ZNF680: variants seen among roughly 807,000 people sequenced by gnomAD.
ZNF680 encodes hypothetical protein FLJ90430.
A neutral mutation model predicts 12.1 loss-of-function variants in ZNF680; 6 were observed. That is an observed-to-expected ratio of 0.49 (90% CI 0.27 to 0.98). The LOEUF is 0.98. Among genes scored for constraint, ZNF680 ranks in the 50% least tolerant of loss-of-function variants. The pLI is 0.12. For synonymous variants in ZNF680, 170 were observed against 199.3 expected (o/e 0.85, Z 1.24); for missense variants, 561 against 616.3 (o/e 0.91, Z 0.95).
In ZNF680 at chr7:64,543,788, T is replaced by C; in HGVS notation, c.172A>G (p.Lys58Glu). The C allele has an allele frequency of 6.2e-7, 1 of 1,613,046 alleles. No individual in the cohort carries two copies. The highest frequency in any genetic ancestry group is 8.5e-7 in the Non-Finnish European group (1 of 1,179,566). Residue 58 changes from lysine (K) to glutamate (E), a missense_variant, in exon 3 of 4, where the codon AAG becomes GAG. Physicochemically the swap from Lys to Glu is moderately conservative, Grantham distance 56. Coordinates refer to ENST00000309683, the MANE Select transcript of ZNF680 (RefSeq NM_178558.5). ...NLVFLGIAVS[K>E]PHLITCLEQG... is the part of the protein sequence containing the mutation. ...TCCAAACAGGTTATCAGGTGAGGCT[T>C]AGAGACAGCAATACCTGTTTTATTA...
chr7:64,560,114 T>C (rs1282362966), intron 1 of ZNF680, among the ~76,000 whole-genome samples: 1 of 104,304 alleles, frequency 9.6e-6, no homozygotes, highest in Non-Finnish European at 1.9e-5. Context: ...TTTTCTTTTC[T>C]GTTTTTTTTT....
At chr7:64,499,723 G>A in the ZNF680 span, among the ~76,000 whole-genome samples, 1 of 152,186 alleles carries the variant, frequency 6.6e-6, no homozygotes, top group Non-Finnish European at 1.5e-5. Context: ...CGGCCTGGGT[G>A]ACACAGCGAG....
intron 1 of ZNF680, among the ~76,000 whole-genome samples, chr7:64,549,806 C>T (rs1374573520): frequency 4.6e-5 from 7 of 151,994 alleles, no homozygotes. Flanking sequence ...CATAGTGAAA[C>T]CCCATGTCTA....
At chr7:64,501,187 G>A in the ZNF680 span, 1 of 869,224 alleles carries the variant, frequency 1.2e-6, no homozygotes, top group Non-Finnish European at 2.0e-6. Context: ...CTCCTCTCTT[G>A]ACTTGGACTA....
chr7:64,536,283 G>A (rs1786163434), intron 3 of ZNF680, among the ~76,000 whole-genome samples: 2 of 152,154 alleles, frequency 1.3e-5, no homozygotes, highest in South Asian at 4.1e-4. Flanking sequence ...ATAGCTAAGA[G>A]TGGATGATTT....
chr7:64,501,710 AT>A, the ZNF680 span: 1 of 1,036,700 alleles, frequency 9.6e-7, no homozygotes, highest in Non-Finnish European at 1.5e-6. Flanking sequence ...GACAGCGCCA[AT>A]GGCAAAAATG....
At chr7:64,540,583 A>G (rs6460158) in intron 3 of ZNF680, among the ~76,000 whole-genome samples, 103,067 of 152,084 alleles carry the variant, frequency 0.68, 35,924 homozygotes, top group African/African-American at 0.85. Context: ...GATTACAGGC[A>G]TGAGCCACTG....
intron 1 of ZNF680, among the ~76,000 whole-genome samples, chr7:64,560,203 C>A (rs1300937238): frequency 1.3e-5 from 2 of 151,606 alleles, no homozygotes; most frequent in South Asian, 2.1e-4. Flanking sequence ...AACCTCCACC[C>A]CCCGGGTTCA....
chr7:64,548,518 A>T (rs1395440963), intron 1 of ZNF680, among the ~76,000 whole-genome samples: 2 of 152,328 alleles, frequency 1.3e-5, no homozygotes, highest in South Asian at 2.1e-4. Flanking sequence ...GGAAGCAATT[A>T]GTTTATCTAT....
the ZNF680 span, among the ~76,000 whole-genome samples, chr7:64,507,824 A>AACACACAC: frequency 7.3e-6 from 1 of 136,478 alleles, no homozygotes; most frequent in Non-Finnish European, 1.5e-5. Flanking sequence ...AATTCCAGGA[A>AACACACAC]ACACACACAC....
At chr7:64,504,893 A>C in the ZNF680 span, among the ~76,000 whole-genome samples, 1 of 152,124 alleles carries the variant, frequency 6.6e-6, no homozygotes, top group Non-Finnish European at 1.5e-5. Context: ...CTGGGAAATA[A>C]ATTTTTTGTC....
chr7:64,550,886 G>A (rs144033202), intron 1 of ZNF680, among the ~76,000 whole-genome samples: 9 of 152,252 alleles, frequency 5.9e-5, no homozygotes, highest in African/African-American at 9.6e-5. Flanking sequence ...GTCATGTCTG[G>A]TAATTCTAGA....
chr7:64,558,279 C>G (rs1787532807), intron 1 of ZNF680, among the ~76,000 whole-genome samples: 1 of 152,004 alleles, frequency 6.6e-6, no homozygotes, highest in African/African-American at 2.4e-5. Flanking sequence ...ACACTAGGAT[C>G]AAAAATGCTG....
rs1431161467 is a variant in ZNF680 at position 64,520,715 on chromosome 7, T to C, written c.*446A>G. ...CAACTGCTTCAGTGTTTTTCTCTAGTACAAAATGCGTACAATAAGATTTGT... is the reference window on the plus strand; with the variant it reads ...CAACTGCTTCAGTGTTTTTCTCTAGCACAAAATGCGTACAATAAGATTTGT... On this transcript the variant is annotated 3_prime_UTR_variant, in exon 4 of 4. Coordinates refer to ENST00000309683, the MANE Select transcript of ZNF680 (RefSeq NM_178558.5). The C allele has an allele frequency of 6.5e-6, 1 of 152,838 alleles. No homozygotes were observed. Among genetic ancestry groups the C allele is most frequent in the Admixed American group, 6.5e-5 (1 of 15,364 alleles). 9.5% of individuals were successfully genotyped at this position (152,838 alleles called of 1,614,324 possible).
chr7:64,513,515 A>C, the ZNF680 span, among the ~76,000 whole-genome samples: 1 of 152,190 alleles, frequency 6.6e-6, no homozygotes, highest in Admixed American at 6.5e-5. Flanking sequence ...AGGGTTATAA[A>C]AGGTTTATAA....
At chr7:64,508,400 T>C in the ZNF680 span, among the ~76,000 whole-genome samples, 2 of 152,186 alleles carry the variant, frequency 1.3e-5, no homozygotes, top group African/African-American at 4.8e-5. Flanking sequence ...TAGCCCCAGA[T>C]TGACTGATTA....
chr7:64,522,138 T>TA lies in ZNF680; in HGVS notation c.615dup (p.Arg206Ter). 6.2e-7 allele frequency: 1 copy of TA among 1,612,084 alleles called. No homozygotes were observed. The highest frequency in any genetic ancestry group is 1.1e-5 in the South Asian group (1 of 90,806). On this transcript the variant is annotated frameshift_variant, in exon 4 of 4. Transcript: ENST00000309683. LOFTEE classifies it low-confidence loss of function (END_TRUNC). The stretch of plus-strand genomic sequence containing the variant: ...TCCTCACATTTGTAAGAATTCTCTC[T>TA]AGTGTGAATTCTTATATGTTGTGTT...
chr7:64,499,958 G>T, the ZNF680 span, among the ~76,000 whole-genome samples: 2 of 152,110 alleles, frequency 1.3e-5, no homozygotes, highest in Non-Finnish European at 2.9e-5. Context: ...AGATGTATGG[G>T]AACAGACACA....
rs78301801 is a variant in ZNF680 at position 64,528,374 on chromosome 7, C to T, written c.254-5874G>A. ...CTCCACAGGTCACAGGTCACAGGGC[C>T]GGGGAAGAACTAATGCCCTTTTCTT... is the stretch of plus-strand genomic sequence containing the variant. On this transcript the variant is annotated intron_variant, in intron 3 of 3. Coordinates refer to ENST00000309683, the MANE Select transcript of ZNF680 (RefSeq NM_178558.5). Among the ~76,000 whole-genome samples the T allele has an allele frequency of 8.7e-3, 1,323 of 152,252 alleles. 15 individuals carry two copies. The highest frequency in any genetic ancestry group is 0.031 in the African/African-American group (1,276 of 41,542).
Sources: gnomAD v4.1 joint callset for allele counts (sites outside exome capture counted in the v4.1 genomes callset) on GRCh38, gnomAD v4.1.1 for gene constraint, MANE v1.5 for transcripts, NCBI Gene and HGNC (gene_info 2026-07-23, HGNC 2026-07-21) for gene names.